RORB: variants seen among roughly 807,000 people sequenced by gnomAD.
RORB encodes the protein RAR related orphan receptor B.
RORB carries 6 observed loss-of-function variants against 59.1 expected under a neutral mutation model. That is an observed-to-expected ratio of 0.10 (90% CI 0.06 to 0.20). The LOEUF is 0.20. RORB is among the 10% of genes least tolerant of loss of function. The pLI, the probability that RORB is intolerant of heterozygous loss-of-function variation, is 1.00. For missense variants in RORB, 320 were observed against 560.5 expected, an observed-to-expected ratio of 0.57 and a Z score of 4.33; for synonymous variants, 215 against 204.5, an observed-to-expected ratio of 1.05 and a Z score of -0.44.
rs144000030 is a variant in RORB at position 74,595,770 on chromosome 9, T to C, written c.8-34512T>C. On this transcript the variant is annotated intron_variant, in intron 1 of 9. Transcript: ENST00000376896. ...ACAACTAAATACAAACTAAATTTCC[T>C]CTCTATGGGAAGAGTAGGTGGGTGA... 5.8e-3 allele frequency among the ~76,000 whole-genome samples: 890 copies of C among 152,284 alleles called. 11 individuals are homozygous for C. Among genetic ancestry groups the C allele is most frequent in the African/African-American group, 0.02 (841 of 41,540 alleles).
chr9:74,570,721 G>A (rs1242622458), intron 1 of RORB, among the ~76,000 whole-genome samples: 1 of 122,106 alleles, frequency 8.2e-6, no homozygotes, highest in African/African-American at 2.6e-5. Context: ...GAATTTGTGT[G>A]TGCACACACG....
At chr9:74,536,408 G>C (rs1826323184) in intron 1 of RORB, among the ~76,000 whole-genome samples, 1 of 152,002 alleles carries the variant, frequency 6.6e-6, no homozygotes, top group African/African-American at 2.4e-5. Context: ...CAGGATAATA[G>C]ACAGAGAGGA....
intron 4 of RORB, among the ~76,000 whole-genome samples, chr9:74,656,007 A>G (rs1035132900): frequency 2.0e-5 from 3 of 152,194 alleles, no homozygotes; most frequent in Non-Finnish European, 4.4e-5. Context: ...TTTGACTTGT[A>G]TTTCCCACCA....
At chr9:74,604,456 G>A (rs1172413710) in intron 1 of RORB, among the ~76,000 whole-genome samples, 2 of 152,154 alleles carry the variant, frequency 1.3e-5, no homozygotes, top group African/African-American at 4.8e-5. Flanking sequence ...CAAGGGCATG[G>A]GCAAATTGGG....
chr9:74,635,783 C>T (rs547841555), intron 3 of RORB, among the ~76,000 whole-genome samples: 1 of 152,202 alleles, frequency 6.6e-6, no homozygotes, highest in East Asian at 1.9e-4. Flanking sequence ...AAATTCAAGG[C>T]TGTATAGACA....
At chr9:74,596,703 C>T (rs1369869158) in intron 1 of RORB, among the ~76,000 whole-genome samples, 1 of 152,204 alleles carries the variant, frequency 6.6e-6, no homozygotes, top group East Asian at 1.9e-4. Context: ...GATGATTCCT[C>T]ACTACAATTA....
At position 74,605,114 on chromosome 9, in the gene RORB, G is replaced by A. The variant is rs191992949; in HGVS notation, c.8-25168G>A. Among the ~76,000 whole-genome samples the A allele has an allele frequency of 2.5e-4, 38 of 152,242 alleles. 2 individuals are homozygous for A. The highest frequency in any genetic ancestry group is 9.2e-4 in the Admixed American group (14 of 15,294). ...CTTTTTTCTTTCTTTAGGGAAATGA[G>A]AGTTTAATATGTTTTCATTCAGTCC... On this transcript the variant is annotated intron_variant, in intron 1 of 9. Coordinates refer to ENST00000376896, the MANE Select transcript of RORB (RefSeq NM_006914.4).
intron 1 of RORB, among the ~76,000 whole-genome samples, chr9:74,512,553 A>G (rs965217369): frequency 6.6e-6 from 1 of 152,190 alleles, no homozygotes; most frequent in African/African-American, 2.4e-5. Context: ...ATCTAGAAAA[A>G]TGTGGAGTTA....
chr9:74,626,677 C>T (rs1587392120), intron 1 of RORB, among the ~76,000 whole-genome samples: 1 of 152,292 alleles, frequency 6.6e-6, no homozygotes, highest in Non-Finnish European at 1.5e-5. Context: ...CAGCCAAATC[C>T]TCCCAAGATG....
rs546565201 is a variant in RORB at position 74,657,634 on chromosome 9, C to G, written c.638-2983C>G. Among the ~76,000 whole-genome samples, 3 of 152,254 alleles carry G rather than the reference C, an allele frequency of 2.0e-5. No individual in the cohort carries two copies. In the East Asian group the frequency reaches 5.8e-4, roughly 29 times the overall value. The stretch of plus-strand genomic sequence containing the variant: ...ACCCCCAGACTAAGTTAGCCACTTT[C>G]TTCTTTGGGCTCCCACAATAACTGT... On this transcript the variant is annotated intron_variant, in intron 4 of 9. Transcript: ENST00000376896.
chr9:74,510,453 C>T (rs1825921723), intron 1 of RORB, among the ~76,000 whole-genome samples: 1 of 152,146 alleles, frequency 6.6e-6, no homozygotes, highest in Non-Finnish European at 1.5e-5. Context: ...ATTCTGAAAA[C>T]ATTTAAGAGA....
At chr9:74,601,925 C>A (rs1197414851) in intron 1 of RORB, among the ~76,000 whole-genome samples, 1 of 152,194 alleles carries the variant, frequency 6.6e-6, no homozygotes, top group African/African-American at 2.4e-5. Context: ...ACATTGGCTA[C>A]AGTGACAAGG....
At chr9:74,645,226 C>T (rs1232800507) in intron 4 of RORB, among the ~76,000 whole-genome samples, 1 of 152,118 alleles carries the variant, frequency 6.6e-6, no homozygotes, top group Admixed American at 6.5e-5. Context: ...CTAGTGGACA[C>T]AAACCCATTC....
intron 1 of RORB, among the ~76,000 whole-genome samples, chr9:74,543,227 A>G (rs1826435948): frequency 6.6e-6 from 1 of 152,096 alleles, no homozygotes; most frequent in Non-Finnish European, 1.5e-5. Context: ...TCTTTCCACC[A>G]CATACGGCAA....
chr9:74,586,826 T>C (rs60725708), intron 1 of RORB, among the ~76,000 whole-genome samples: 47,259 of 152,022 alleles, frequency 0.31, 7,525 homozygotes, highest in Non-Finnish European at 0.35. Context: ...TCAATGAGAT[T>C]GAAGAAAGTT....
At chr9:74,555,535 A>G (rs1440302990) in intron 1 of RORB, among the ~76,000 whole-genome samples, 3 of 152,220 alleles carry the variant, frequency 2.0e-5, no homozygotes, top group African/African-American at 7.2e-5. Flanking sequence ...AATTCAGCAA[A>G]GACTCAAAGT....
At chr9:74,545,099 G>T (rs1397515421) in intron 1 of RORB, among the ~76,000 whole-genome samples, 3 of 143,818 alleles carry the variant, frequency 2.1e-5, no homozygotes, top group Non-Finnish European at 1.5e-5. Context: ...CTGCGAGCAG[G>T]TTTTTTTTTT....
intron 4 of RORB, among the ~76,000 whole-genome samples, chr9:74,655,018 T>C (rs891661957): frequency 2.0e-5 from 3 of 152,206 alleles, no homozygotes; most frequent in African/African-American, 4.8e-5. Context: ...CAATGTTCAC[T>C]TTTTGCCTTA....
At chr9:74,504,757 C>A (rs1035863832) in intron 1 of RORB, among the ~76,000 whole-genome samples, 2 of 151,932 alleles carry the variant, frequency 1.3e-5, no homozygotes, top group East Asian at 1.9e-4. Flanking sequence ...CTCATATAAA[C>A]CAAATATCTT....
Sources: gnomAD v4.1 joint callset for allele counts (sites outside exome capture counted in the v4.1 genomes callset) on GRCh38, gnomAD v4.1.1 for gene constraint, MANE v1.5 for transcripts, NCBI Gene and HGNC (gene_info 2026-07-23, HGNC 2026-07-21) for gene names.